ARHGAP42: variants seen among roughly 807,000 people sequenced by gnomAD.
The protein encoded by ARHGAP42 is rho GTPase-activating protein 42.
In ARHGAP42, 63 loss-of-function variants were observed where a neutral mutation model predicts 125.0. The observed-to-expected ratio is 0.50, with a 90% CI of 0.41 to 0.62. The LOEUF (loss-of-function observed/expected upper bound fraction) is 0.62, where lower values mean the gene tolerates loss of function less well. Among genes scored for constraint, ARHGAP42 ranks in the 20% least tolerant of loss-of-function variants. ARHGAP42 has a pLI of 0.00. For synonymous variants in ARHGAP42, 339 were observed against 351.0 expected, an observed-to-expected ratio of 0.97 and a Z score of 0.38; for missense variants, 766 against 1,024.2, an observed-to-expected ratio of 0.75 and a Z score of 3.44.
intron 2 of ARHGAP42, among the ~76,000 whole-genome samples, chr11:100,780,378 C>A (rs1863279816): frequency 6.6e-6 from 1 of 152,106 alleles, no homozygotes; most frequent in Non-Finnish European, 1.5e-5. Context: ...ATTTGGGATG[C>A]AGAAATATAT....
Position 100,992,023 on chromosome 11 carries a change from A to G in ARHGAP42, c.*3222A>G. 3.0e-6 allele frequency: 1 copy of G among 335,206 alleles called. No homozygotes were observed. 20.8% of individuals were successfully genotyped at this position (335,206 alleles called of 1,614,324 possible). A position where few individuals can be genotyped will look rare whatever the true frequency, so the allele number is the denominator to read the frequency against. On this transcript the variant is annotated 3_prime_UTR_variant, in exon 24 of 24. Coordinates refer to ENST00000298815, the MANE Select transcript of ARHGAP42 (RefSeq NM_152432.4). ...TTGTGAGGCAAACAGATTTCTCACT[A>G]TCATCCAGTGTACCCTGCTCACCTT...
intron 16 of ARHGAP42, among the ~76,000 whole-genome samples, chr11:100,963,831 T>C (rs1182370355): frequency 6.6e-6 from 1 of 152,210 alleles, no homozygotes; most frequent in African/African-American, 2.4e-5. Flanking sequence ...GCCTGTTTTT[T>C]GTTCTTTTTA....
intron 12 of ARHGAP42, among the ~76,000 whole-genome samples, chr11:100,955,259 C>T (rs76021774): frequency 6.6e-6 from 1 of 152,016 alleles, no homozygotes; most frequent in African/African-American, 2.4e-5. Flanking sequence ...TTAGGCTTAA[C>T]TTTTGATTGA....
At chr11:100,928,764 C>G (rs1867495858) in intron 6 of ARHGAP42, among the ~76,000 whole-genome samples, 1 of 149,780 alleles carries the variant, frequency 6.7e-6, no homozygotes, top group African/African-American at 2.4e-5. Context: ...AGGTATCATT[C>G]CCAGTATACC....
chr11:100,985,976 C>T (rs1858668644), intron 22 of ARHGAP42: 6 of 452,820 alleles, frequency 1.3e-5, no homozygotes, highest in Admixed American at 9.5e-5. Flanking sequence ...TGCTGGGACC[C>T]CAAGGAGGAT....
At chr11:100,850,532 G>A (rs1865177335) in intron 3 of ARHGAP42, among the ~76,000 whole-genome samples, 1 of 152,076 alleles carries the variant, frequency 6.6e-6, no homozygotes, top group Non-Finnish European at 1.5e-5. Flanking sequence ...CCGTGTTGTG[G>A]TCATAATGTG....
At chr11:100,864,219 C>CT (rs1314515239) in intron 4 of ARHGAP42, among the ~76,000 whole-genome samples, 1 of 150,472 alleles carries the variant, frequency 6.6e-6, no homozygotes, top group Non-Finnish European at 1.5e-5. Context: ...GAGTCTCACT[C>CT]TGTCACCCAG....
chr11:100,748,188 A>G (rs1862348826), intron 1 of ARHGAP42, among the ~76,000 whole-genome samples: 1 of 152,248 alleles, frequency 6.6e-6, no homozygotes, highest in Non-Finnish European at 1.5e-5. Flanking sequence ...GACCTCGTTC[A>G]GTCCATATTA....
intron 1 of ARHGAP42, among the ~76,000 whole-genome samples, chr11:100,689,755 T>G (rs1861155436): frequency 6.6e-6 from 1 of 152,226 alleles, no homozygotes; most frequent in East Asian, 1.9e-4. Flanking sequence ...AACTAACGTT[T>G]GATTATTACT....
At chr11:100,688,535 T>C (rs1258459884) in intron 1 of ARHGAP42, among the ~76,000 whole-genome samples, 2 of 152,128 alleles carry the variant, frequency 1.3e-5, no homozygotes, top group Non-Finnish European at 2.9e-5. Flanking sequence ...TAGGGCTTCT[T>C]CCACCTCCTT....
chr11:100,884,726 CT>C (rs1338403698), intron 4 of ARHGAP42, among the ~76,000 whole-genome samples: 1 of 152,072 alleles, frequency 6.6e-6, no homozygotes, highest in Non-Finnish European at 1.5e-5. Flanking sequence ...CTTGTCAATT[CT>C]TTTATTTCTT....
rs574434596 is a variant in ARHGAP42, at chr11:100,823,031, A to C, written c.312+27865A>C. On this transcript the variant is annotated intron_variant, in intron 3 of 23. Transcript: ENST00000298815. ...GACAGGCACACAGCTGGTGGGAGTA[A>C]CAGCCATGACTAGAATCTCCAATTT... 8.5e-5 allele frequency among the ~76,000 whole-genome samples: 13 copies of C among 152,230 alleles called. No individual in the cohort carries two copies. The East Asian group carries it at 1.4e-3, about 16-fold the overall frequency.
intron 12 of ARHGAP42, among the ~76,000 whole-genome samples, chr11:100,958,227 A>T (rs767376074): frequency 1.3e-5 from 2 of 151,952 alleles, no homozygotes; most frequent in African/African-American, 2.4e-5. Flanking sequence ...CTGAATGCTT[A>T]GTGTTATGCT....
rs1864456830 is a variant in ARHGAP42, at chr11:100,824,013, G to C, written c.312+28847G>C. 2.6e-5 allele frequency among the ~76,000 whole-genome samples: 4 copies of C among 152,114 alleles called. No individual in the cohort carries two copies. The South Asian group carries it at 8.3e-4, about 32-fold the overall frequency. On this transcript the variant is annotated intron_variant, in intron 3 of 23. Transcript: ENST00000298815. ...ATTTTCAATCAAGTAGAGCATTGCT[G>C]AAAAAAGTAAGGGCATTATTTGGCC...
intron 1 of ARHGAP42, among the ~76,000 whole-genome samples, chr11:100,729,080 C>G (rs1861913437): frequency 1.3e-5 from 2 of 152,184 alleles, no homozygotes; most frequent in South Asian, 4.2e-4. Flanking sequence ...CTGTCTCTCT[C>G]TCTCTCTCTT....
intron 3 of ARHGAP42, among the ~76,000 whole-genome samples, chr11:100,843,926 T>G (rs1865002375): frequency 2.0e-5 from 3 of 152,100 alleles, no homozygotes. Context: ...ACCATCATTC[T>G]TCACAGAACT....
chr11:100,881,298 C>G (rs1273418253), intron 4 of ARHGAP42, among the ~76,000 whole-genome samples: 1 of 152,148 alleles, frequency 6.6e-6, no homozygotes, highest in African/African-American at 2.4e-5. Context: ...TTACATGTGG[C>G]TTGCTAATTA....
intron 4 of ARHGAP42, among the ~76,000 whole-genome samples, chr11:100,907,255 G>A (rs149091564): frequency 1.8e-3 from 279 of 152,308 alleles, no homozygotes; most frequent in African/African-American, 6.4e-3. Flanking sequence ...CTCTTCATAT[G>A]CATGTTACAC....
chr11:100,708,471 C>G (rs553202892), intron 1 of ARHGAP42, among the ~76,000 whole-genome samples: 1 of 152,150 alleles, frequency 6.6e-6, no homozygotes, highest in African/African-American at 2.4e-5. Context: ...CATGATGAAG[C>G]CTTGCACACT....
Sources: gnomAD v4.1 joint callset for allele counts (sites outside exome capture counted in the v4.1 genomes callset) on GRCh38, gnomAD v4.1.1 for gene constraint, MANE v1.5 for transcripts, NCBI Gene and HGNC (gene_info 2026-07-23, HGNC 2026-07-21) for gene names.